Variants in POU3F3 observed in about 807,000 individuals in gnomAD.
POU3F3 encodes POU domain, class 3, transcription factor 3.
A neutral mutation model predicts 8.6 loss-of-function variants in POU3F3; 1 was observed. The observed-to-expected ratio is 0.12, with a 90% confidence interval of 0.04 to 0.55. The LOEUF (loss-of-function observed/expected upper bound fraction) is 0.55. Ranked by LOEUF, POU3F3 falls within the 20% of genes least tolerant of loss-of-function variation. The probability of loss-of-function intolerance (pLI) is 0.91; values close to 1 mark genes in which losing one functional copy is unlikely to be tolerated. For missense variants in POU3F3, 577 were observed against 690.7 expected (o/e 0.84, Z 1.84); for synonymous variants, 418 against 327.4 (o/e 1.28, Z -2.99).
the POU3F3 span, among the ~76,000 whole-genome samples, chr2:104,909,420 A>G: frequency 0.01 from 1,584 of 152,362 alleles, 8 homozygotes; most frequent in Non-Finnish European, 0.018. Context: ...AACGCCAGCC[A>G]AGAGATGTGT....
chr2:104,891,925 T>C, the POU3F3 span, among the ~76,000 whole-genome samples: 168 of 152,314 alleles, frequency 1.1e-3, 2 homozygotes, highest in African/African-American at 3.9e-3. Context: ...ATACATTATT[T>C]AGACACAGCC....
chr2:104,868,342 A>G, the POU3F3 span: 1 of 456,768 alleles, frequency 2.2e-6, no homozygotes, highest in Admixed American at 2.3e-5. Flanking sequence ...TGCAAGCATC[A>G]GGCAGCAGTG....
chr2:104,877,712 G>C, the POU3F3 span, among the ~76,000 whole-genome samples: 2 of 147,912 alleles, frequency 1.4e-5, no homozygotes, highest in East Asian at 4.0e-4. Context: ...AGGCTGGAGT[G>C]CAGTGGCACA....
chr2:104,897,612 T>G, the POU3F3 span, among the ~76,000 whole-genome samples: 1 of 152,072 alleles, frequency 6.6e-6, no homozygotes, highest in African/African-American at 2.4e-5. Context: ...GCCCCGCCCA[T>G]GTGGGGAACA....
the POU3F3 span, among the ~76,000 whole-genome samples, chr2:104,909,048 A>T: frequency 6.6e-6 from 1 of 152,174 alleles, no homozygotes; most frequent in Non-Finnish European, 1.5e-5. Context: ...ACGTGATAGT[A>T]ATATTGGGAG....
downstream of POU3F3, among the ~76,000 whole-genome samples, chr2:104,862,989 A>T (rs1008506664): frequency 1.3e-5 from 2 of 151,854 alleles, no homozygotes; most frequent in Non-Finnish European, 2.9e-5. Context: ...TTTCAAGAGC[A>T]ATAGTAAATT....
At position 104,856,212 on chromosome 2, in the gene POU3F3, G is replaced by A. The variant is rs1350085720; in HGVS notation, c.702G>A (p.Leu234=). 5 of 1,268,086 alleles carry A rather than the reference G, an allele frequency of 3.9e-6. No individual in the cohort carries two copies. The African/African-American group carries it at 7.9e-5, about 20-fold the overall frequency. 78.6% of individuals were successfully genotyped at this position (1,268,086 alleles called of 1,614,324 possible). A position where few individuals can be genotyped will look rare whatever the true frequency, so the allele number is the denominator to read the frequency against. The change falls in exon 1 of 1, where the codon CTG becomes CTA. Residue 234 remains leucine (L), a synonymous_variant. Transcript: ENST00000361360. ...QPGGFTVNGM[L]SAPPGPGGGG... is the part of the protein sequence containing the mutation. Reference sequence around the variant, plus strand: ...GAGGCTTCACGGTGAACGGCATGCTGAGCGCGCCACCGGGGCCCGGCGGCG... The same window carrying A: ...GAGGCTTCACGGTGAACGGCATGCTAAGCGCGCCACCGGGGCCCGGCGGCG...
At chr2:104,865,826 A>G in the POU3F3 span, 1 of 152,164 alleles carries the variant, frequency 6.6e-6, no homozygotes, top group African/African-American at 2.4e-5. Context: ...CAAGGTTGAA[A>G]ACTCTCCTGC....
chr2:104,892,415 T>G, the POU3F3 span, among the ~76,000 whole-genome samples: 3 of 152,148 alleles, frequency 2.0e-5, no homozygotes, highest in Admixed American at 6.5e-5. Context: ...ATCTCAGTCA[T>G]GAACATGAGG....
chr2:104,907,721 A>T, the POU3F3 span, among the ~76,000 whole-genome samples: 1 of 152,178 alleles, frequency 6.6e-6, no homozygotes, highest in Non-Finnish European at 1.5e-5. Context: ...TCTGCAAGTA[A>T]TAAAAATTTT....
downstream of POU3F3, among the ~76,000 whole-genome samples, chr2:104,862,871 C>T (rs890391740): frequency 1.3e-5 from 2 of 152,046 alleles, no homozygotes; most frequent in Admixed American, 1.3e-4. Flanking sequence ...CTGTAAAAGC[C>T]GTAGGAGAAT....
rs1345318733 is a variant in POU3F3, at chr2:104,855,541, C to A, written c.31C>A (p.Pro11Thr). 2.9e-6 allele frequency: 3 copies of A among 1,043,712 alleles called. No homozygotes were observed. Among genetic ancestry groups the A allele is most frequent in the Non-Finnish European group, 3.5e-6 (3 of 864,604 alleles). The allele number at this position is 1,043,712 out of a possible 1,614,324, so 64.7% of individuals were successfully genotyped here. A position where few individuals can be genotyped will look rare whatever the true frequency, so the allele number is the denominator to read the frequency against. Residue 11 changes from proline to threonine, a missense_variant, in exon 1 of 1, where the codon CCG becomes ACG. Transcript: ENST00000361360. Reference sequence around the variant, plus strand: ...CACGGCGGCTTCTAACCCCTACCTGCCGGGGAACAGCCTGCTCGCGGCCGG... The same window carrying A: ...CACGGCGGCTTCTAACCCCTACCTGACGGGGAACAGCCTGCTCGCGGCCGG... MATAASNPYL[P>T]GNSLLAAGSI... is the part of the protein sequence containing the mutation.
In POU3F3 at chr2:104,857,832, T is replaced by G. The variant is rs554529908; in HGVS notation, c.*819T>G. Reference sequence around the variant, plus strand: ...TAGCAAAGCCAAAAGAAAAGTATCCTCAAAGTAACCTTGGAAATAAAAGGA... The same window carrying G: ...TAGCAAAGCCAAAAGAAAAGTATCCGCAAAGTAACCTTGGAAATAAAAGGA... On this transcript the variant is annotated 3_prime_UTR_variant, in exon 1 of 1. Transcript: ENST00000361360. 1 of 152,310 alleles carries G rather than the reference T, an allele frequency of 6.6e-6. No homozygotes were observed. The highest frequency in any genetic ancestry group is 1.5e-5 in the Non-Finnish European group (1 of 68,028). The allele number at this position is 152,310 out of a possible 1,614,324, so 9.4% of individuals were successfully genotyped here.
the POU3F3 span, among the ~76,000 whole-genome samples, chr2:104,895,529 T>A: frequency 6.6e-6 from 1 of 152,192 alleles, no homozygotes. Context: ...TAATATTTCC[T>A]GAAAGTGTCT....
the POU3F3 span, among the ~76,000 whole-genome samples, chr2:104,909,479 G>T: frequency 6.6e-6 from 1 of 152,256 alleles, no homozygotes; most frequent in Non-Finnish European, 1.5e-5. Flanking sequence ...TAACTTGCCT[G>T]TGATCCATTA....
chr2:104,882,511 G>A, the POU3F3 span, among the ~76,000 whole-genome samples: 9 of 152,032 alleles, frequency 5.9e-5, no homozygotes, highest in Non-Finnish European at 1.0e-4. Flanking sequence ...CTCGGCTTCC[G>A]AAAGTGCTGG....
chr2:104,895,209 C>G, the POU3F3 span, among the ~76,000 whole-genome samples: 1 of 151,992 alleles, frequency 6.6e-6, no homozygotes, highest in Non-Finnish European at 1.5e-5. Context: ...CTACAGGGCC[C>G]GACAATTTCA....
chr2:104,910,145 G>T, the POU3F3 span, among the ~76,000 whole-genome samples: 1 of 152,132 alleles, frequency 6.6e-6, no homozygotes, highest in Admixed American at 6.5e-5. Context: ...GAAAAATATG[G>T]TAGCCCTTAT....
chr2:104,913,597 G>C, the POU3F3 span, among the ~76,000 whole-genome samples: 1 of 152,072 alleles, frequency 6.6e-6, no homozygotes, highest in African/African-American at 2.4e-5. Flanking sequence ...CTCTGCTGTG[G>C]GATTTAACAC....
Sources: allele counts gnomAD v4.1 joint callset (sites outside exome capture counted in the v4.1 genomes callset), GRCh38; gene constraint gnomAD v4.1.1; transcripts MANE v1.5; gene names NCBI Gene and HGNC (gene_info 2026-07-23, HGNC 2026-07-21).